GPR89B: variants seen among roughly 807,000 people sequenced by gnomAD.
GPR89B encodes golgi pH regulator B, also known as G protein-coupled receptor 89B.
In GPR89B, 25 loss-of-function variants were observed where a neutral mutation model predicts 52.4. The ratio of observed to expected loss-of-function variants is 0.48; its 90% CI spans 0.35 to 0.67. The LOEUF (loss-of-function observed/expected upper bound fraction) is 0.67, where lower values mean the gene tolerates loss of function less well. GPR89B is among the 30% of genes least tolerant of loss of function. The pLI, the probability that GPR89B is intolerant of heterozygous loss-of-function variation, is 0.01. For missense variants in GPR89B, 146 were observed against 450.2 expected (o/e 0.32, Z 6.11); for synonymous variants, 52 against 151.2 (o/e 0.34, Z 4.81).
chr1:148,000,653 G>T, the GPR89B span, among the ~76,000 whole-genome samples: 1 of 149,966 alleles, frequency 6.7e-6, no homozygotes, highest in Non-Finnish European at 1.5e-5. Context: ...TACTATCATT[G>T]TATATCACAG....
intron 12 of GPR89B, among the ~76,000 whole-genome samples, chr1:147,989,741 T>C (rs1291876805): frequency 6.6e-6 from 1 of 152,198 alleles, no homozygotes; most frequent in Non-Finnish European, 1.5e-5. Context: ...TTCATCCATG[T>C]CCCTACAAAG....
At chr1:148,016,909 C>T in the GPR89B span, among the ~76,000 whole-genome samples, 1 of 151,642 alleles carries the variant, frequency 6.6e-6, no homozygotes, top group Middle Eastern at 3.4e-3. Context: ...ATTCATGGTT[C>T]CATATTCCCT....
At chr1:147,994,680 T>G (rs1471114122), downstream of GPR89B, among the ~76,000 whole-genome samples, 2 of 152,210 alleles carry the variant, frequency 1.3e-5, no homozygotes, top group Non-Finnish European at 2.9e-5. Context: ...ATTTCTTTTG[T>G]ATAAGACTAG....
chr1:147,941,507 G>A (rs1422067303), intron 3 of GPR89B, among the ~76,000 whole-genome samples: 2 of 151,328 alleles, frequency 1.3e-5, no homozygotes, highest in African/African-American at 2.4e-5. Flanking sequence ...TCTTTGTTTC[G>A]TGATGCCTGC....
intron 3 of GPR89B, among the ~76,000 whole-genome samples, chr1:147,940,219 T>G (rs587741381): frequency 6.6e-6 from 1 of 151,794 alleles, no homozygotes; most frequent in Non-Finnish European, 1.5e-5. Flanking sequence ...CTGGCTAACA[T>G]GGTGAAACCC....
intron 5 of GPR89B, among the ~76,000 whole-genome samples, chr1:147,946,963 A>T (rs1553249895): frequency 6.6e-6 from 1 of 152,162 alleles, no homozygotes; most frequent in East Asian, 1.9e-4. Flanking sequence ...CTGAGAAGCA[A>T]CCAGCCTTAC....
At chr1:147,949,016 C>G (rs1178100732) in intron 5 of GPR89B, among the ~76,000 whole-genome samples, 1 of 152,002 alleles carries the variant, frequency 6.6e-6, no homozygotes, top group Non-Finnish European at 1.5e-5. Context: ...TCTTGCACCA[C>G]CATTAATCCA....
In GPR89B at chr1:147,992,544, G is replaced by T. The variant is rs1659144498; in HGVS notation, c.1138G>T (p.Val380Phe). Residue 380 changes from valine (V) to phenylalanine (F), a missense_variant, in exon 13 of 14, where the codon GTC (valine) becomes TTC (phenylalanine). Transcript: ENST00000314163. ...TAGCAGTAAGTCCTCCAATGTCATT[G>T]TCCTGCTATTAGCACAGATAATGGT... ...ISSSKSSNVI[V>F]LLLAQIMGMY... 3.1e-6 allele frequency: 5 copies of T among 1,611,568 alleles called. No individual in the cohort carries two copies. Among genetic ancestry groups the T allele is most frequent in the Non-Finnish European group, 4.2e-6 (5 of 1,179,604 alleles).
intron 7 of GPR89B, among the ~76,000 whole-genome samples, chr1:147,962,846 G>A (rs1236114395): frequency 1.3e-5 from 2 of 148,988 alleles, no homozygotes; most frequent in Non-Finnish European, 3.0e-5. Flanking sequence ...GCAGTGAGCC[G>A]AGATCCGCCA....
downstream of GPR89B, chr1:147,995,727 C>A: frequency 6.2e-7 from 1 of 1,607,226 alleles, no homozygotes. Flanking sequence ...TAATCATAGG[C>A]CTTCTTTCCA....
intron 10 of GPR89B, among the ~76,000 whole-genome samples, chr1:147,980,000 C>A (rs1357031268): frequency 6.6e-6 from 1 of 151,006 alleles, no homozygotes; most frequent in African/African-American, 2.4e-5. Context: ...GTGGGAGGAT[C>A]GCTTGAGCCC....
intron 5 of GPR89B, among the ~76,000 whole-genome samples, chr1:147,946,460 C>T (rs1654983131): frequency 6.6e-6 from 1 of 152,140 alleles, no homozygotes; most frequent in African/African-American, 2.4e-5. Flanking sequence ...ATGCCTATGT[C>T]AATGGTCAAC....
chr1:148,003,652 G>A, the GPR89B span: 21,223 of 587,388 alleles, frequency 0.036, 448 homozygotes, highest in African/African-American at 0.072. Flanking sequence ...TGACATAGAC[G>A]CTGACCCAGC....
the GPR89B span, among the ~76,000 whole-genome samples, chr1:148,005,725 G>T: frequency 6.6e-6 from 1 of 152,008 alleles, no homozygotes; most frequent in African/African-American, 2.4e-5. Context: ...ATTGCAGAGG[G>T]CTGCCTTCGA....
intron 1 of GPR89B, among the ~76,000 whole-genome samples, chr1:147,931,945 T>C (rs1653663923): frequency 1.3e-5 from 2 of 152,200 alleles, no homozygotes; most frequent in African/African-American, 4.8e-5. Context: ...AAGCTTTCTT[T>C]GTCAATGTGA....
the GPR89B span, among the ~76,000 whole-genome samples, chr1:148,007,406 T>C: frequency 6.6e-6 from 1 of 151,998 alleles, no homozygotes; most frequent in South Asian, 2.1e-4. Flanking sequence ...TACATAACAT[T>C]TGTACATATT....
chr1:147,963,307 C>T (rs1456667022), intron 7 of GPR89B, among the ~76,000 whole-genome samples: 36 of 149,838 alleles, frequency 2.4e-4, no homozygotes, highest in East Asian at 7.9e-4. Flanking sequence ...ACCTGGGAGG[C>T]GGAGGTTGCA....
chr1:147,949,629 C>T (rs1655377563), intron 5 of GPR89B, among the ~76,000 whole-genome samples: 4 of 136,186 alleles, frequency 2.9e-5, no homozygotes, highest in African/African-American at 5.9e-5. Context: ...GGGGCTGACC[C>T]CCCCACCTCC....
chr1:148,005,513 G>T, the GPR89B span: 1 of 1,605,832 alleles, frequency 6.2e-7, no homozygotes, highest in Non-Finnish European at 8.5e-7. Context: ...TTTTTACCTG[G>T]AAGAGAGTAG....
Sources: allele counts gnomAD v4.1 joint callset (sites outside exome capture counted in the v4.1 genomes callset), GRCh38; gene constraint gnomAD v4.1.1; transcripts MANE v1.5; gene names NCBI Gene and HGNC (gene_info 2026-07-23, HGNC 2026-07-21).